Variants in DYNLRB2 observed in about 807,000 individuals in gnomAD.
DYNLRB2 encodes dynein light chain roadblock-type 2.
Under a neutral mutation model 12.6 loss-of-function variants are expected in DYNLRB2, and 14 were observed. The ratio of observed to expected loss-of-function variants is 1.11; its 90% CI spans 0.73 to 1.73. The LOEUF (loss-of-function observed/expected upper bound fraction) is 1.73. DYNLRB2 is among the 40% of genes most tolerant of loss of function. The pLI is 0.00. For synonymous variants in DYNLRB2, 53 were observed against 37.0 expected (o/e 1.43, Z -1.57); for missense variants, 142 against 117.7 (o/e 1.21, Z -0.95).
At chr16:80,542,263 T>G (rs1370871552) in intron 1 of DYNLRB2, among the ~76,000 whole-genome samples, 1 of 152,188 alleles carries the variant, frequency 6.6e-6, no homozygotes, top group Non-Finnish European at 1.5e-5. Context: ...TTATTTAAGC[T>G]TTTAGCAGTG....
intron 2 of DYNLRB2, chr16:80,549,055 T>C (rs1904669196): frequency 6.6e-6 from 3 of 455,238 alleles, no homozygotes; most frequent in East Asian, 1.4e-4. Flanking sequence ...AGTACTCAAG[T>C]AGTCAGTTAA....
At chr16:80,550,489 A>T (rs1567519715) in intron 3 of DYNLRB2, 26 bp from the exon 4 acceptor site, 1 of 1,613,422 alleles carries the variant, frequency 6.2e-7, no homozygotes, top group Admixed American at 1.7e-5. Flanking sequence ...ATTAAGGGTG[A>T]ATTGATTTTA....
At chr16:80,542,160 C>A (rs182992753) in intron 1 of DYNLRB2, among the ~76,000 whole-genome samples, 72 of 152,206 alleles carry the variant, frequency 4.7e-4, no homozygotes, top group Non-Finnish European at 1.0e-4. Context: ...TCATTTTGTT[C>A]ATTTTGTTTG....
chr16:80,545,155 G>C (rs1355390409), intron 2 of DYNLRB2, among the ~76,000 whole-genome samples: 2 of 152,054 alleles, frequency 1.3e-5, no homozygotes, highest in African/African-American at 4.8e-5. Flanking sequence ...GGTAATCCTG[G>C]TGATATGCCT....
chr16:80,547,769 G>T (rs960791179), intron 2 of DYNLRB2: 1 of 456,514 alleles, frequency 2.2e-6, no homozygotes, highest in Non-Finnish European at 4.4e-6. Context: ...TCCACGCTTT[G>T]TGACCTTCAA....
intron 2 of DYNLRB2, among the ~76,000 whole-genome samples, chr16:80,545,559 G>T (rs574876374): frequency 6.6e-6 from 1 of 152,008 alleles, no homozygotes; most frequent in South Asian, 2.1e-4. Flanking sequence ...TGATCACCCT[G>T]GGTAGTGAGA....
At chr16:80,541,821 G>T (rs1288952486) in intron 1 of DYNLRB2, among the ~76,000 whole-genome samples, 1 of 152,120 alleles carries the variant, frequency 6.6e-6, no homozygotes, top group Non-Finnish European at 1.5e-5. Context: ...AGAAGCTGTG[G>T]ACATCGTCTT....
chr16:80,542,932 G>T (rs946890930), intron 1 of DYNLRB2, among the ~76,000 whole-genome samples: 1 of 152,196 alleles, frequency 6.6e-6, no homozygotes, highest in South Asian at 2.1e-4. Flanking sequence ...CAGGGTCAAT[G>T]AATGAAAGAT....
chr16:80,541,010 G>A lies in DYNLRB2; in HGVS notation c.-67G>A. The A allele has an allele frequency of 6.3e-7, 1 of 1,583,212 alleles. No homozygotes were observed. ...CCTTTTTTGTCTCCTAGCAACGGCG[G>A]GTAGCGTTGTTGACATCCCGGGAGG... On this transcript the variant is annotated 5_prime_UTR_variant, in exon 1 of 4. Transcript: ENST00000305904.
intron 2 of DYNLRB2, chr16:80,549,082 T>C: frequency 2.2e-6 from 1 of 449,702 alleles, no homozygotes; most frequent in South Asian, 1.6e-5. Context: ...CTGAAAGATT[T>C]ATGCACAAAA....
At chr16:80,548,026 ACT>A (rs1904587622) in intron 2 of DYNLRB2, 2 of 324,882 alleles carry the variant, frequency 6.2e-6, no homozygotes, top group African/African-American at 2.2e-5. Flanking sequence ...AGTTTGTAAC[ACT>A]CTTCCATTCT....
At chr16:80,541,249 G>A in intron 1 of DYNLRB2, 170 bp downstream of exon 1, 6 of 958,272 alleles carry the variant, frequency 6.3e-6, no homozygotes, top group Non-Finnish European at 6.2e-6. Context: ...CTTGGAAAGG[G>A]GCAAGAAGAT....
intron 3 of DYNLRB2, among the ~76,000 whole-genome samples, chr16:80,550,196 A>T (rs1034321509): frequency 6.6e-6 from 1 of 152,224 alleles, no homozygotes; most frequent in Non-Finnish European, 1.5e-5. Flanking sequence ...TCAAATCAGA[A>T]TTGCTTATAA....
rs183769742 is a variant in DYNLRB2, at chr16:80,543,167, C to T, written c.4-109C>T. On this transcript the variant is annotated intron_variant, in intron 1 of 3. Coordinates refer to ENST00000305904, the MANE Select transcript of DYNLRB2 (RefSeq NM_130897.3). Reference sequence around the variant, plus strand: ...AAATCTGAGATTATCACACCTGGCACCTTAGGTTAAGGAGATAGGAGAGTA... The same window carrying T: ...AAATCTGAGATTATCACACCTGGCATCTTAGGTTAAGGAGATAGGAGAGTA... 124 of 1,092,568 alleles carry T rather than the reference C, an allele frequency of 1.1e-4. 1 individual carries two copies. In the African/African-American group the frequency reaches 1.8e-3, roughly 16 times the overall value. The allele number at this position is 1,092,568 out of a possible 1,614,324, so 67.7% of individuals were successfully genotyped here.
intron 2 of DYNLRB2, chr16:80,548,920 T>A (rs1205188306): frequency 6.6e-6 from 3 of 455,894 alleles, no homozygotes; most frequent in African/African-American, 2.0e-5. Flanking sequence ...TGCAGTGATA[T>A]CCCTTTATGT....
At chr16:80,544,695 T>C (rs1463666402) in intron 2 of DYNLRB2, 2 of 152,228 alleles carry the variant, frequency 1.3e-5, no homozygotes, top group Non-Finnish European at 2.9e-5. Context: ...ACGTATTCTC[T>C]TCCAGTTCTG....
intron 2 of DYNLRB2, 138 bp downstream of exon 2, chr16:80,543,489 C>G: frequency 1.3e-6 from 1 of 778,202 alleles, no homozygotes; most frequent in Non-Finnish European, 2.0e-6. Flanking sequence ...CATTCACTTA[C>G]CAAACATCTA....
chr16:80,549,423 C>T, intron 2 of DYNLRB2, 61 bp from the exon 3 acceptor site: 3 of 1,461,134 alleles, frequency 2.1e-6, no homozygotes, highest in Admixed American at 2.1e-5. Context: ...AATACTTCCA[C>T]ACTGTACTTA....
intron 1 of DYNLRB2, 100 bp downstream of exon 1, chr16:80,541,179 C>A: frequency 3.4e-6 from 5 of 1,481,480 alleles, no homozygotes; most frequent in South Asian, 1.4e-5. Flanking sequence ...CACGGGCGGT[C>A]CAGGGGCCGC....
Sources: allele counts gnomAD v4.1 joint callset (sites outside exome capture counted in the v4.1 genomes callset), GRCh38; gene constraint gnomAD v4.1.1; transcripts MANE v1.5; gene names NCBI Gene and HGNC (gene_info 2026-07-23, HGNC 2026-07-21).